Variants in KLHDC3 observed in about 807,000 individuals in gnomAD.
The protein encoded by KLHDC3 is kelch domain containing 3, also known as kelch domain-containing protein 3.
In KLHDC3, 5 loss-of-function variants were observed where a neutral mutation model predicts 44.1. That is an observed-to-expected ratio of 0.11 (90% CI 0.06 to 0.24). The LOEUF (loss-of-function observed/expected upper bound fraction) is 0.24. Ranked by LOEUF, KLHDC3 falls within the 10% of genes least tolerant of loss-of-function variation. The probability of loss-of-function intolerance (pLI) is 1.00; values close to 1 mark genes in which losing one functional copy is unlikely to be tolerated. For missense variants in KLHDC3, 247 were observed against 514.3 expected (o/e 0.48, Z 5.03); for synonymous variants, 170 against 189.0 (o/e 0.90, Z 0.82).
chr6:43,018,986 G>A lies in KLHDC3; in HGVS notation c.929+15G>A. On this transcript the variant is annotated intron_variant, in intron 8 of 10. Coordinates refer to ENST00000326974, the MANE Select transcript of KLHDC3 (RefSeq NM_057161.4). The surrounding 1 kb of genome is among the most constrained non-coding windows in gnomAD (Gnocchi z 6.0). ...GGGGGTACCAGGTTAGAAGGAGAGA[G>A]GGAAGGGGCTCAGGGAAGTCACTAA... 1 of 1,595,224 alleles carries A rather than the reference G, an allele frequency of 6.3e-7. No homozygotes were observed. The highest frequency in any genetic ancestry group is 8.6e-7 in the Non-Finnish European group (1 of 1,165,152).
Position 43,018,531 on chromosome 6 carries a change from T to G in KLHDC3, c.708T>G (p.Pro236=), listed in dbSNP as rs756937042. Residue 236 remains proline (P), a synonymous_variant, in exon 6 of 11, where the codon CCT becomes CCG. Transcript: ENST00000326974. The surrounding 1 kb of genome is among the most constrained non-coding windows in gnomAD (Gnocchi z 6.0). ...WLDCPPTPVL[P]EGRRSHSAFG... ...ACTGTCCCCCGACTCCAGTGCTGCC[T>G]GAGGGGCGCCGGAGCCACTCGGCCT... is the stretch of plus-strand genomic sequence containing the variant. The G allele has an allele frequency of 3.7e-6, 6 of 1,614,088 alleles. No individual in the cohort carries two copies. The highest frequency in any genetic ancestry group is 1.7e-6 in the Non-Finnish European group (2 of 1,180,008).
At chr6:43,015,250 G>A (rs1762535934) in intron 1 of KLHDC3, among the ~76,000 whole-genome samples, 1 of 152,132 alleles carries the variant, frequency 6.6e-6, no homozygotes, top group Admixed American at 6.5e-5. Context: ...ATTTCAGGAT[G>A]GGTCCCATGG....
At chr6:43,014,627 A>T (rs1762515216) in intron 1 of KLHDC3, 1 of 456,416 alleles carries the variant, frequency 2.2e-6, no homozygotes, top group Admixed American at 2.4e-5. Flanking sequence ...ATGGAAGGGG[A>T]GGGGTGTCTG....
Position 43,019,374 on chromosome 6 carries a change from G to T in KLHDC3, c.1082+8G>T, listed in dbSNP as rs761055438. On this transcript the variant is annotated splice_region_variant and intron_variant, in intron 10 of 10. Transcript: ENST00000326974. Reference sequence around the variant, plus strand: ...TTTGCCTCATGATATCAGGTACAGCGAGTGGTTGGAAGGGAGGGATTGAGT... The same window carrying T: ...TTTGCCTCATGATATCAGGTACAGCTAGTGGTTGGAAGGGAGGGATTGAGT... 6.2e-7 allele frequency: 1 copy of T among 1,602,246 alleles called. No individual in the cohort carries two copies. Among genetic ancestry groups the T allele is most frequent in the South Asian group, 1.1e-5 (1 of 90,810 alleles).
intron 10 of KLHDC3, among the ~76,000 whole-genome samples, chr6:43,019,704 T>C (rs1350394763): frequency 1.3e-5 from 2 of 152,224 alleles, no homozygotes; most frequent in East Asian, 1.9e-4. Context: ...CTGGATCACA[T>C]TGGTTCCAGA....
At chr6:43,014,444 A>C in intron 1 of KLHDC3, 96 bp downstream of exon 1, 2 of 286,966 alleles carry the variant, frequency 7.0e-6, no homozygotes, top group East Asian at 1.0e-4. Context: ...GAGAGTGATG[A>C]GGTGGGGGTG....
intron 1 of KLHDC3, 191 bp downstream of exon 1, chr6:43,014,539 A>G: frequency 2.1e-6 from 1 of 466,140 alleles, no homozygotes; most frequent in Non-Finnish European, 4.3e-6. Flanking sequence ...GATGGGTAGG[A>G]GAGACCTGGT....
chr6:43,014,766 G>C (rs1394539061), intron 1 of KLHDC3, among the ~76,000 whole-genome samples: 5 of 152,170 alleles, frequency 3.3e-5, no homozygotes, highest in African/African-American at 1.2e-4. Context: ...ATGGAGGGCT[G>C]TTGGGTGGAG....
intron 1 of KLHDC3, among the ~76,000 whole-genome samples, chr6:43,016,005 G>T (rs531720071): frequency 1.3e-5 from 2 of 150,638 alleles, no homozygotes; most frequent in African/African-American, 2.4e-5. Flanking sequence ...GTGTGATCTC[G>T]GCTCACTCCA....
At position 43,018,327 on chromosome 6, in the gene KLHDC3, C is replaced by A. The variant is rs1196789628; in HGVS notation, c.520-16C>A. ...CTTTGTGCTGACCCCTCCACCATCT[C>A]TCTGCCTCTGCCCAGGGCAGCCCTG... On this transcript the variant is annotated splice_polypyrimidine_tract_variant and intron_variant, in intron 5 of 10. Transcript: ENST00000326974. The surrounding 1 kb of genome is among the most constrained non-coding windows in gnomAD (Gnocchi z 6.0). 1 of 1,611,326 alleles carries A rather than the reference C, an allele frequency of 6.2e-7. No individual in the cohort carries two copies.
In KLHDC3 at chr6:43,019,154, T is replaced by A; in HGVS notation, c.992T>A (p.Ile331Asn). The A allele has an allele frequency of 6.2e-7, 1 of 1,610,450 alleles. No individual in the cohort carries two copies. Among genetic ancestry groups the A allele is most frequent in the Non-Finnish European group, 8.5e-7 (1 of 1,176,650 alleles). Residue 331 changes from isoleucine to asparagine, a missense_variant, in exon 9 of 11, where the codon ATT becomes AAT. Ile to Asn is a moderately radical substitution (Grantham distance 149). Around this residue, in one of 2 missense-constraint regions of KLHDC3, gnomAD observed 176 missense variants for 413.5 expected, o/e 0.43. Coordinates refer to ENST00000326974, the MANE Select transcript of KLHDC3 (RefSeq NM_057161.4). ...FDLIDHSDLH[I>N]LDFSPSLKTL... ...CTTATAGATCATTCTGACTTACACA[T>A]TTTGGACTTTAGTAAGTATAGTTAT...
chr6:43,018,552 G>T lies in KLHDC3; in HGVS notation c.729G>T (p.Ser243=), dbSNP rs767246227. 1 of 1,613,848 alleles carries T rather than the reference G, an allele frequency of 6.2e-7. No individual in the cohort carries two copies. The highest frequency in any genetic ancestry group is 8.5e-7 in the Non-Finnish European group (1 of 1,179,872). ...PVLPEGRRSH[S]AFGYNGELYI... ...TGCCTGAGGGGCGCCGGAGCCACTC[G>T]GCCTGTGAGTGTTTGTTACTTCCCT... The change falls in exon 6 of 11, where the codon TCG becomes TCT. Residue 243 remains serine, a synonymous_variant. Coordinates refer to ENST00000326974, the MANE Select transcript of KLHDC3 (RefSeq NM_057161.4). The surrounding 1 kb of genome is among the most constrained non-coding windows in gnomAD (Gnocchi z 6.0).
chr6:43,017,997 A>G lies in KLHDC3; in HGVS notation c.447+29A>G. 6.4e-7 allele frequency: 1 copy of G among 1,573,256 alleles called. No homozygotes were observed. The highest frequency in any genetic ancestry group is 2.2e-5 in the East Asian group (1 of 44,696). On this transcript the variant is annotated intron_variant, in intron 4 of 10. Transcript: ENST00000326974. This position sits in a 1 kb window ranked among gnomAD's most constrained non-coding sequence, Gnocchi z 6.0. ...GGTCTGGGAATAAAATAAGAGGTTT[A>G]GGGTGGGACTGAGAAAGAGGGGAAG...
At chr6:43,014,976 C>T (rs1410365535) in intron 1 of KLHDC3, among the ~76,000 whole-genome samples, 3 of 152,136 alleles carry the variant, frequency 2.0e-5, no homozygotes, top group African/African-American at 7.2e-5. Context: ...CGCCTGGGGG[C>T]TTGTTCTCCT....
chr6:43,017,017 G>T lies in KLHDC3; in HGVS notation c.-59-117G>T. 1 of 709,504 alleles carries T rather than the reference G, an allele frequency of 1.4e-6. No homozygotes were observed. Among genetic ancestry groups the T allele is most frequent in the Non-Finnish European group, 2.4e-6 (1 of 418,246 alleles). The allele number at this position is 709,504 out of a possible 1,614,324, so 44.0% of individuals were successfully genotyped here. On this transcript the variant is annotated intron_variant, in intron 1 of 10. Transcript: ENST00000326974. The surrounding 1 kb of genome is among the most constrained non-coding windows in gnomAD (Gnocchi z 6.0). ...CTGAGACTAGTGCCCCTGTGGAGGG[G>T]TAGTGTGGGAGGGCCCCCAGGGTGA...
At chr6:43,015,771 A>T (rs1343908388) in intron 1 of KLHDC3, among the ~76,000 whole-genome samples, 2 of 147,436 alleles carry the variant, frequency 1.4e-5, no homozygotes, top group African/African-American at 5.1e-5. Flanking sequence ...AATCGCTTGA[A>T]CCCGGGAGGG....
Position 43,017,376 on chromosome 6 carries a change from C to A in KLHDC3, c.154+30C>A. 2 of 1,598,582 alleles carry A rather than the reference C, an allele frequency of 1.3e-6. No individual in the cohort carries two copies. The highest frequency in any genetic ancestry group is 1.1e-5 in the South Asian group (1 of 89,122). Reference sequence around the variant, plus strand: ...GCCAATGCTGGGGCTGTCCCTGGGTCCCCACATCAGGGTGGGAACGGGCTG... The same window carrying A: ...GCCAATGCTGGGGCTGTCCCTGGGTACCCACATCAGGGTGGGAACGGGCTG... On this transcript the variant is annotated intron_variant, in intron 2 of 10. Transcript: ENST00000326974. The surrounding 1 kb of genome is among the most constrained non-coding windows in gnomAD (Gnocchi z 6.0).
At chr6:43,015,004 T>C (rs1762527287) in intron 1 of KLHDC3, among the ~76,000 whole-genome samples, 2 of 152,184 alleles carry the variant, frequency 1.3e-5, no homozygotes, top group South Asian at 4.1e-4. Flanking sequence ...GAGTTGTTTA[T>C]ATGGCAGAGA....
In KLHDC3 at chr6:43,018,032, G is replaced by C. The variant is rs1762616858; in HGVS notation, c.447+64G>C. On this transcript the variant is annotated intron_variant, in intron 4 of 10. Coordinates refer to ENST00000326974, the MANE Select transcript of KLHDC3 (RefSeq NM_057161.4). The surrounding 1 kb of genome is among the most constrained non-coding windows in gnomAD (Gnocchi z 6.0). ...TGAGAAAGAGGGGAAGGGCAATTTA[G>C]GATGGTGAAATGGGAGGCTTTGGCT... 4.1e-6 allele frequency: 6 copies of C among 1,479,632 alleles called. No homozygotes were observed. Among genetic ancestry groups the C allele is most frequent in the Admixed American group, 1.7e-5 (1 of 59,806 alleles). The allele number at this position is 1,479,632 out of a possible 1,614,324, so 91.7% of individuals were successfully genotyped here.
Sources: allele counts gnomAD v4.1 joint callset (sites outside exome capture counted in the v4.1 genomes callset), GRCh38; gene constraint gnomAD v4.1.1; regional missense constraint gnomAD v4.1.1; non-coding constraint Gnocchi (gnomAD v3.1); transcripts MANE v1.5; gene names NCBI Gene and HGNC (gene_info 2026-07-23, HGNC 2026-07-21).